CLSTN2: variants seen among roughly 807,000 people sequenced by gnomAD.
The protein encoded by CLSTN2 is calsyntenin 2.
A neutral mutation model predicts 101.2 loss-of-function variants in CLSTN2; 48 were observed. The ratio of observed to expected loss-of-function variants is 0.47; its 90% confidence interval spans 0.38 to 0.60. The LOEUF (loss-of-function observed/expected upper bound fraction) is 0.60, where lower values mean the gene tolerates loss of function less well. Ranked by LOEUF, CLSTN2 falls within the 20% of genes least tolerant of loss-of-function variation. The probability of loss-of-function intolerance (pLI) is 0.00; values close to 1 mark genes in which losing one functional copy is unlikely to be tolerated. For synonymous variants in CLSTN2, 481 were observed against 463.6 expected (o/e 1.04, Z -0.48); for missense variants, 1,160 against 1,238.2 (o/e 0.94, Z 0.95).
chr3:140,520,714 G>C (rs1367279982), intron 8 of CLSTN2, among the ~76,000 whole-genome samples: 1 of 152,156 alleles, frequency 6.6e-6, no homozygotes, highest in African/African-American at 2.4e-5. Flanking sequence ...TGCCTGTCTT[G>C]CTAGGTTTGG....
chr3:139,967,114 A>G (rs560930465), intron 1 of CLSTN2, among the ~76,000 whole-genome samples: 1 of 152,288 alleles, frequency 6.6e-6, no homozygotes, highest in South Asian at 2.1e-4. Flanking sequence ...CCCCTGGGCC[A>G]GTGCTCCTAA....
intron 1 of CLSTN2, among the ~76,000 whole-genome samples, chr3:140,060,095 C>A (rs1327914688): frequency 6.6e-6 from 1 of 152,126 alleles, no homozygotes; most frequent in Non-Finnish European, 1.5e-5. Context: ...AATTAAATAA[C>A]ATGTTTGTAA....
chr3:140,160,865 C>G (rs1359718706), intron 1 of CLSTN2, among the ~76,000 whole-genome samples: 1 of 152,120 alleles, frequency 6.6e-6, no homozygotes, highest in African/African-American at 2.4e-5. Context: ...TTTCAAGGGT[C>G]CATCCACAAG....
intron 1 of CLSTN2, among the ~76,000 whole-genome samples, chr3:140,032,308 C>G (rs1376144033): frequency 6.6e-6 from 1 of 150,674 alleles, no homozygotes; most frequent in Non-Finnish European, 1.5e-5. Flanking sequence ...TCCCACCAAG[C>G]CTAAGATCAA....
At chr3:140,012,050 C>T (rs1183005504) in intron 1 of CLSTN2, among the ~76,000 whole-genome samples, 1 of 152,084 alleles carries the variant, frequency 6.6e-6, no homozygotes, top group South Asian at 2.1e-4. Context: ...TGGCTGGAGG[C>T]TGACAAGGCT....
intron 2 of CLSTN2, among the ~76,000 whole-genome samples, chr3:140,322,629 A>G (rs1385014415): frequency 2.0e-5 from 3 of 152,226 alleles, no homozygotes; most frequent in African/African-American, 7.2e-5. Flanking sequence ...ACATTAACAG[A>G]AAGATTTCCT....
At chr3:140,357,791 C>G (rs2087688771) in intron 2 of CLSTN2, among the ~76,000 whole-genome samples, 1 of 152,162 alleles carries the variant, frequency 6.6e-6, no homozygotes, top group Non-Finnish European at 1.5e-5. Context: ...CTATCATCTT[C>G]AGCATGGCCC....
intron 2 of CLSTN2, among the ~76,000 whole-genome samples, chr3:140,183,789 A>G (rs2010444442): frequency 6.6e-6 from 1 of 152,222 alleles, no homozygotes; most frequent in Non-Finnish European, 1.5e-5. Flanking sequence ...TGCACACACT[A>G]TATCATAATT....
intron 1 of CLSTN2, among the ~76,000 whole-genome samples, chr3:139,953,880 G>T (rs555616051): frequency 6.1e-4 from 93 of 151,318 alleles, no homozygotes; most frequent in Non-Finnish European, 1.2e-3. Flanking sequence ...GCTTTTGATG[G>T]AGCTCAAACT....
rs1162904814 is a variant in CLSTN2 at position 140,569,466 on chromosome 3, G to C, written c.*3213G>C. The C allele has an allele frequency of 2.6e-5, 4 of 152,206 alleles. No homozygotes were observed. The allele number at this position is 152,206 out of a possible 1,614,324, so 9.4% of individuals were successfully genotyped here. ...TTCAGATGACATGGAGGAGAAGTTG[G>C]AGGAGAAGATTGAAATGCTTAAATC... On this transcript the variant is annotated 3_prime_UTR_variant, in exon 17 of 17. Transcript: ENST00000458420.
At chr3:140,240,174 C>CTCTCTATATA (rs1311225528) in intron 2 of CLSTN2, among the ~76,000 whole-genome samples, 31 of 13,298 alleles carry the variant, frequency 2.3e-3, no homozygotes, top group Admixed American at 7.1e-3. Flanking sequence ...CTCTCTCTCT[C>CTCTCTATATA]TATATATATA....
chr3:140,020,825 C>A lies in CLSTN2; in HGVS notation c.109+85342C>A, dbSNP rs2007298909. Among the ~76,000 whole-genome samples, 4 of 152,158 alleles carry A rather than the reference C, an allele frequency of 2.6e-5. No homozygotes were observed. The South Asian group carries it at 8.3e-4, about 32-fold the overall frequency. ...ACCGCTGTTAGCTCAGTGAATAAAT[C>A]CTTGGTGCTGATCAATCATTGCACG... On this transcript the variant is annotated intron_variant, in intron 1 of 16. Transcript: ENST00000458420.
chr3:140,556,068 G>A (rs1414745820), intron 10 of CLSTN2, among the ~76,000 whole-genome samples: 3 of 152,254 alleles, frequency 2.0e-5, no homozygotes, highest in Middle Eastern at 3.4e-3. Flanking sequence ...AAGAAGATAC[G>A]GCATGGGTCA....
chr3:140,291,864 C>T (rs2086957453), intron 2 of CLSTN2, among the ~76,000 whole-genome samples: 1 of 151,980 alleles, frequency 6.6e-6, no homozygotes, highest in Non-Finnish European at 1.5e-5. Context: ...CACCACAGTA[C>T]AAGTCTCACC....
intron 2 of CLSTN2, among the ~76,000 whole-genome samples, chr3:140,194,733 C>T (rs780793932): frequency 6.6e-6 from 1 of 152,182 alleles, no homozygotes; most frequent in African/African-American, 2.4e-5. Context: ...CCTTGGGCTT[C>T]ATTGACACCT....
At chr3:140,315,321 C>T (rs966811124) in intron 2 of CLSTN2, among the ~76,000 whole-genome samples, 2 of 152,294 alleles carry the variant, frequency 1.3e-5, no homozygotes, top group Non-Finnish European at 2.9e-5. Flanking sequence ...CAGCCAATCA[C>T]GAATCCTGTA....
At chr3:140,096,503 G>A (rs921923829) in intron 1 of CLSTN2, among the ~76,000 whole-genome samples, 6 of 152,190 alleles carry the variant, frequency 3.9e-5, no homozygotes, top group African/African-American at 7.2e-5. Flanking sequence ...ATATCTTGGC[G>A]GGAGTGCTTT....
At chr3:140,428,327 C>T (rs1172420584) in intron 5 of CLSTN2, among the ~76,000 whole-genome samples, 1 of 151,764 alleles carries the variant, frequency 6.6e-6, no homozygotes, top group African/African-American at 2.4e-5. Flanking sequence ...GTACATTTTC[C>T]CTTTTATTGT....
rs540768847 is a variant in CLSTN2 at position 140,052,312 on chromosome 3, C to T, written c.109+116829C>T. 1.8e-3 allele frequency among the ~76,000 whole-genome samples: 271 copies of T among 152,248 alleles called. 1 individual carries two copies. Among genetic ancestry groups the T allele is most frequent in the Non-Finnish European group, 2.8e-3 (191 of 68,026 alleles). On this transcript the variant is annotated intron_variant, in intron 1 of 16. Coordinates refer to ENST00000458420, the MANE Select transcript of CLSTN2 (RefSeq NM_022131.3). ...TAGCTGGGACTACAGGCGCACGCCA[C>T]CAAAACCAGCTAATTTTTGTATTTT...
Sources: allele counts gnomAD v4.1 joint callset (sites outside exome capture counted in the v4.1 genomes callset), GRCh38; gene constraint gnomAD v4.1.1; transcripts MANE v1.5; gene names NCBI Gene and HGNC (gene_info 2026-07-23, HGNC 2026-07-21).